The following ATP10B variants were observed in gnomAD, a reference collection of about 807,000 sequenced individuals.
The protein encoded by ATP10B is phospholipid-transporting ATPase VB.
A neutral mutation model predicts 141.2 loss-of-function variants in ATP10B; 122 were observed. The ratio of observed to expected loss-of-function variants is 0.86; its 90% CI spans 0.75 to 1.00. ATP10B has a LOEUF of 1.00. Among genes scored for constraint, ATP10B ranks in the 50% least tolerant of loss-of-function variants. The pLI, the probability that ATP10B is intolerant of heterozygous loss-of-function variation, is 0.00. For missense variants in ATP10B, 1,876 were observed against 1,825.3 expected (o/e 1.03, Z -0.51); for synonymous variants, 685 against 692.0 (o/e 0.99, Z 0.16).
chr5:160,745,688 G>C (rs1490927916), intron 2 of ATP10B, among the ~76,000 whole-genome samples: 1 of 152,218 alleles, frequency 6.6e-6, no homozygotes, highest in African/African-American at 2.4e-5. Context: ...GGGTTCAGAT[G>C]CTGGGCTTTG....
intron 3 of ATP10B, among the ~76,000 whole-genome samples, chr5:160,703,409 C>T (rs1764788008): frequency 6.6e-6 from 1 of 151,888 alleles, no homozygotes; most frequent in Non-Finnish European, 1.5e-5. Flanking sequence ...TAATAAATGT[C>T]AGCCATCATC....
At chr5:160,880,071 C>T in the ATP10B span, among the ~76,000 whole-genome samples, 3 of 149,322 alleles carry the variant, frequency 2.0e-5, no homozygotes, top group African/African-American at 7.4e-5. Context: ...GTGTATAAAT[C>T]ACATAGAATA....
chr5:160,602,509 G>C, intron 21 of ATP10B, 68 bp downstream of exon 21: 1 of 1,605,178 alleles, frequency 6.2e-7, no homozygotes, highest in South Asian at 1.1e-5. Context: ...CCCACTGCTA[G>C]GGAGAGATCT....
chr5:160,873,343 G>T, the ATP10B span, among the ~76,000 whole-genome samples: 1 of 152,050 alleles, frequency 6.6e-6, no homozygotes, highest in African/African-American at 2.4e-5. Context: ...ACAAGGCAAG[G>T]TTATTCCATT....
chr5:160,696,469 G>A (rs1291470068), intron 3 of ATP10B, among the ~76,000 whole-genome samples: 5 of 152,068 alleles, frequency 3.3e-5, no homozygotes, highest in Non-Finnish European at 5.9e-5. Context: ...GAAGTGGTTT[G>A]ACAGTATTGA....
intron 2 of ATP10B, among the ~76,000 whole-genome samples, chr5:160,733,860 C>T (rs374690748): frequency 6.6e-6 from 1 of 151,724 alleles, no homozygotes; most frequent in East Asian, 1.9e-4. Context: ...AATCCCAGCA[C>T]TTTTGAAGGC....
At chr5:160,846,590 T>A (rs1752344140) in intron 1 of ATP10B, among the ~76,000 whole-genome samples, 3 of 152,172 alleles carry the variant, frequency 2.0e-5, no homozygotes, top group South Asian at 2.1e-4. Flanking sequence ...ATCAATATTA[T>A]GATTGCTGCT....
chr5:160,899,053 T>C, the ATP10B span, among the ~76,000 whole-genome samples: 40 of 151,930 alleles, frequency 2.6e-4, no homozygotes, highest in Non-Finnish European at 3.8e-4. Flanking sequence ...AGGTAACGGG[T>C]CGATGGGTAT....
chr5:160,620,738 A>G lies in ATP10B; in HGVS notation c.2025T>C (p.Thr675=). ...TGCTGCTCCTGTAGCCACCGTCATC[A>G]GTGGAGTCACCTCCACTGCACACAG... The part of the protein sequence containing the change: ...DASVCSGGDS[T]DDGGYRSSMW... The change falls in exon 15 of 26, where the codon ACT becomes ACC. Residue 675 remains threonine (T), a synonymous_variant. Coordinates refer to ENST00000327245, the MANE Select transcript of ATP10B (RefSeq NM_025153.3). The G allele has an allele frequency of 6.2e-7, 1 of 1,614,214 alleles. No homozygotes were observed. Among genetic ancestry groups the G allele is most frequent in the East Asian group, 2.2e-5 (1 of 44,884 alleles).
upstream of ATP10B, among the ~76,000 whole-genome samples, chr5:160,853,041 T>A (rs1410729857): frequency 6.6e-6 from 1 of 152,160 alleles, no homozygotes; most frequent in Non-Finnish European, 1.5e-5. Context: ...TACCTACAGA[T>A]CTTATCAGAA....
intron 14 of ATP10B, among the ~76,000 whole-genome samples, chr5:160,622,073 G>A (rs1407695206): frequency 6.6e-6 from 1 of 152,186 alleles, no homozygotes; most frequent in Non-Finnish European, 1.5e-5. Flanking sequence ...GATAATACAG[G>A]TAAAGTGCTG....
chr5:160,845,897 G>A (rs866793614), intron 1 of ATP10B, among the ~76,000 whole-genome samples: 20 of 151,946 alleles, frequency 1.3e-4, no homozygotes, highest in South Asian at 2.1e-4. Flanking sequence ...TTTGGTACAC[G>A]CTGATGTCTT....
chr5:160,594,704 C>T (rs1756558978), intron 22 of ATP10B, among the ~76,000 whole-genome samples: 2 of 150,670 alleles, frequency 1.3e-5, no homozygotes, highest in Admixed American at 6.6e-5. Context: ...ATCTACCAAG[C>T]AAATGGAAAA....
chr5:160,747,600 G>A (rs545034797), intron 2 of ATP10B, among the ~76,000 whole-genome samples: 2 of 152,252 alleles, frequency 1.3e-5, no homozygotes, highest in African/African-American at 4.8e-5. Context: ...CACAAGCCAA[G>A]GAACACCTAA....
chr5:160,629,339 C>T (rs1323114353), intron 13 of ATP10B, among the ~76,000 whole-genome samples: 1 of 152,164 alleles, frequency 6.6e-6, no homozygotes, highest in Non-Finnish European at 1.5e-5. Context: ...TCCTTAAAGG[C>T]TGCATACTTC....
intron 2 of ATP10B, among the ~76,000 whole-genome samples, chr5:160,757,012 T>A (rs1437659385): frequency 1.3e-5 from 2 of 152,188 alleles, no homozygotes; most frequent in African/African-American, 4.8e-5. Flanking sequence ...TTTAAAGGAA[T>A]CTTCACTGAG....
chr5:160,724,983 T>G (rs114247264), intron 2 of ATP10B, among the ~76,000 whole-genome samples: 13 of 152,324 alleles, frequency 8.5e-5, no homozygotes, highest in Non-Finnish European at 1.8e-4. Context: ...AACAGGGACT[T>G]TTGTCTGTTT....
intron 1 of ATP10B, among the ~76,000 whole-genome samples, chr5:160,841,149 A>G (rs1194058042): frequency 6.6e-6 from 1 of 152,198 alleles, no homozygotes; most frequent in Non-Finnish European, 1.5e-5. Context: ...TAATATCTGT[A>G]GGAAACTACC....
chr5:160,750,470 TA>T (rs144125376), intron 2 of ATP10B, among the ~76,000 whole-genome samples: 10 of 152,318 alleles, frequency 6.6e-5, no homozygotes, highest in African/African-American at 2.4e-4. Flanking sequence ...CTTTCACCCA[TA>T]ATAACTATTG....
Sources: allele counts gnomAD v4.1 joint callset (sites outside exome capture counted in the v4.1 genomes callset), GRCh38; gene constraint gnomAD v4.1.1; transcripts MANE v1.5; gene names NCBI Gene and HGNC (gene_info 2026-07-23, HGNC 2026-07-21).